ZNF462: variants seen among roughly 807,000 people sequenced by gnomAD.
ZNF462 encodes zinc finger PBX1-interacting protein.
Under a neutral mutation model 201.9 loss-of-function variants are expected in ZNF462, and 10 were observed. The ratio of observed to expected loss-of-function variants is 0.05; its 90% confidence interval spans 0.03 to 0.08. The LOEUF is 0.08. Ranked by LOEUF, ZNF462 falls within the 10% of genes least tolerant of loss-of-function variation. ZNF462 has a pLI of 1.00. For missense variants in ZNF462, 2,523 were observed against 3,168.3 expected (o/e 0.80, Z 4.89); for synonymous variants, 1,227 against 1,193.3 (o/e 1.03, Z -0.58).
intron 11 of ZNF462, among the ~76,000 whole-genome samples, chr9:107,007,504 T>A (rs1490639938): frequency 2.6e-5 from 4 of 152,184 alleles, no homozygotes; most frequent in Non-Finnish European, 5.9e-5. Flanking sequence ...CACGTATTCC[T>A]CTCAGAGGGT....
chr9:106,998,453 C>T (rs1313627818), intron 10 of ZNF462, among the ~76,000 whole-genome samples: 1 of 151,850 alleles, frequency 6.6e-6, no homozygotes, highest in Non-Finnish European at 1.5e-5. Context: ...TAGAATATGC[C>T]AGAAGTATGG....
intron 7 of ZNF462, among the ~76,000 whole-genome samples, chr9:106,947,381 T>C (rs569190039): frequency 2.4e-4 from 37 of 152,328 alleles, no homozygotes; most frequent in African/African-American, 8.4e-4. Flanking sequence ...TGATGCACTG[T>C]GAGTCCTCCA....
At chr9:106,864,088 CTCT>C (rs1827202056) in intron 1 of ZNF462, among the ~76,000 whole-genome samples, 8 of 134,478 alleles carry the variant, frequency 5.9e-5, no homozygotes, top group Admixed American at 1.5e-4. Flanking sequence ...CTCTCTCTCT[CTCT>C]CTCTCTCTCT....
In ZNF462 at chr9:106,925,535, GCCACCGCAGCCACCACCA is replaced by G. The variant is rs753867598; in HGVS notation, c.1626_1643del (p.Gln544_Pro549del). On this transcript the variant is annotated inframe_deletion, in exon 3 of 13. Transcript: ENST00000277225. The surrounding 1 kb of genome is among the most constrained non-coding windows in gnomAD (Gnocchi z 7.9). ...TGTTGGATCCCTTGCAGCAGCAACA[GCCACCGCAGCCACCACCA>G]CCGCCGCCGCCACCACCACCATCAC... 34 of 1,613,070 alleles carry G rather than the reference GCCACCGCAGCCACCACCA, an allele frequency of 2.1e-5. 1 individual carries two copies. In the Admixed American group the frequency reaches 5.3e-4, roughly 25 times the overall value.
At chr9:106,887,471 G>A (rs1828371877) in intron 1 of ZNF462, among the ~76,000 whole-genome samples, 1 of 152,308 alleles carries the variant, frequency 6.6e-6, no homozygotes, top group South Asian at 2.1e-4. Context: ...AGTATTCCAA[G>A]ATACTTCCTG....
Position 106,890,763 on chromosome 9 carries a change from A to G in ZNF462, c.-31+27408A>G, listed in dbSNP as rs530835252. ...GCATCATGCTGTGACATGAAACAAT[A>G]TTGCATCGTAGGGAGTGCATAGTAG... On this transcript the variant is annotated intron_variant, in intron 1 of 12. Transcript: ENST00000277225. The surrounding 1 kb of genome is among the most constrained non-coding windows in gnomAD (Gnocchi z 4.2). Among the ~76,000 whole-genome samples, 19 of 152,256 alleles carry G rather than the reference A, an allele frequency of 1.2e-4. No individual in the cohort carries two copies. The South Asian group carries it at 2.9e-3, about 23-fold the overall frequency.
rs955206080 is a variant in ZNF462 at position 106,938,998 on chromosome 9, C to T, written c.6318C>T (p.His2106=). The T allele has an allele frequency of 1.2e-5, 19 of 1,613,902 alleles. No individual in the cohort carries two copies. The highest frequency in any genetic ancestry group is 5.3e-5 in the African/African-American group (4 of 74,878). Residue 2106 remains histidine, a synonymous_variant, in exon 7 of 13, where the codon CAC becomes CAT. Transcript: ENST00000277225. The surrounding 1 kb of genome is among the most constrained non-coding windows in gnomAD (Gnocchi z 4.4). Reference sequence around the variant, plus strand: ...TGAAGGAACACTCCCTCAAGGTCCACGGAAAAGCCCTGACCCTCCCCAGGC... The same window carrying T: ...TGAAGGAACACTCCCTCAAGGTCCATGGAAAAGCCCTGACCCTCCCCAGGC... ...SQLKEHSLKV[H]GKALTLPRPR... is the part of the protein sequence containing the mutation.
rs796657224 is a variant in ZNF462, at chr9:106,978,189, TCTGGGGTTC to T, written c.6832+3918_6832+3926del. 1.4e-3 allele frequency among the ~76,000 whole-genome samples: 211 copies of T among 151,648 alleles called. 10 individuals are homozygous for T. The highest frequency in any genetic ancestry group is 5.0e-3 in the African/African-American group (206 of 40,938). ...GCAAAGAACCTATGTCCCAATAAAG[TCTGGGGTTC>T]CAGGTAGACTTAAGTTTATGGGGGA... is the stretch of plus-strand genomic sequence containing the variant. On this transcript the variant is annotated intron_variant, in intron 9 of 12. Transcript: ENST00000277225. The surrounding 1 kb of genome is among the most constrained non-coding windows in gnomAD (Gnocchi z 4.1).
At position 106,981,232 on chromosome 9, in the gene ZNF462, C is replaced by T. The variant is rs541731327; in HGVS notation, c.6833-2954C>T. 2.6e-5 allele frequency among the ~76,000 whole-genome samples: 4 copies of T among 152,322 alleles called. No homozygotes were observed. Among genetic ancestry groups the T allele is most frequent in the Non-Finnish European group, 5.9e-5 (4 of 68,032 alleles). On this transcript the variant is annotated intron_variant, in intron 9 of 12. Transcript: ENST00000277225. This position sits in a 1 kb window ranked among gnomAD's most constrained non-coding sequence, Gnocchi z 4.0. ...TTCAGCAGGGATTTGACCCTTTCCT[C>T]AAATGTAGAAGGTGCTTGAAAGACA...
chr9:106,915,804 C>A (rs553664967), intron 1 of ZNF462, among the ~76,000 whole-genome samples: 45 of 152,286 alleles, frequency 3.0e-4, no homozygotes, highest in Admixed American at 5.2e-4. Context: ...AGGACTTTAT[C>A]CTCACAGGGT....
At chr9:106,957,179 T>C (rs754893681) in intron 7 of ZNF462, among the ~76,000 whole-genome samples, 2 of 152,118 alleles carry the variant, frequency 1.3e-5, no homozygotes, top group Non-Finnish European at 2.9e-5. Context: ...ACTTTTTCTT[T>C]CACTTGAACA....
rs1262187992 is a variant in ZNF462, at chr9:106,962,130, G to A, written c.6428-9875G>A. The stretch of plus-strand genomic sequence containing the variant: ...TTTAGAAAAGAAAGGAATCATAGGG[G>A]GAGAAGAAACTGGAAAATGGAATGC... On this transcript the variant is annotated intron_variant, in intron 7 of 12. Coordinates refer to ENST00000277225, the MANE Select transcript of ZNF462 (RefSeq NM_021224.6). This position sits in a 1 kb window ranked among gnomAD's most constrained non-coding sequence, Gnocchi z 4.6. 6.6e-6 allele frequency among the ~76,000 whole-genome samples: 1 copy of A among 151,956 alleles called. No homozygotes were observed. The highest frequency in any genetic ancestry group is 1.5e-5 in the Non-Finnish European group (1 of 67,940).
chr9:106,884,744 G>GT (rs1587997338), intron 1 of ZNF462, among the ~76,000 whole-genome samples: 3 of 152,238 alleles, frequency 2.0e-5, no homozygotes, highest in East Asian at 3.9e-4. Flanking sequence ...TTGTTTGTTT[G>GT]TTTTTTCTAT....
Position 106,936,501 on chromosome 9 carries a change from T to G in ZNF462, c.6235+880T>G, listed in dbSNP as rs6477550. Among the ~76,000 whole-genome samples, 1,280 of 152,292 alleles carry G rather than the reference T, an allele frequency of 8.4e-3. 21 individuals carry two copies. The highest frequency in any genetic ancestry group is 0.028 in the African/African-American group (1,175 of 41,544). ...AGTGTTGGATTTTGTTGAACTGACT[T>G]AATGCAGTAAGATTACCCAGGTCTC... On this transcript the variant is annotated intron_variant, in intron 6 of 12. Coordinates refer to ENST00000277225, the MANE Select transcript of ZNF462 (RefSeq NM_021224.6).
chr9:106,928,009 C>G lies in ZNF462; in HGVS notation c.4097C>G (p.Ala1366Gly), dbSNP rs1830271433. 1 of 1,614,194 alleles carries G rather than the reference C, an allele frequency of 6.2e-7. No homozygotes were observed. The highest frequency in any genetic ancestry group is 8.5e-7 in the Non-Finnish European group (1 of 1,180,032). Residue 1366 changes from alanine to glycine, a missense_variant, in exon 3 of 13, where the codon GCC becomes GGC. Ala to Gly is a moderately conservative substitution (Grantham distance 60, BLOSUM62 0). Transcript: ENST00000277225. This position sits in a 1 kb window ranked among gnomAD's most constrained non-coding sequence, Gnocchi z 9.3. Reference protein sequence around the residue: ...SPPSLTMPAEAKTYRCRDCVF... With the variant: ...SPPSLTMPAEGKTYRCRDCVF... ...CCCTCTCTCACAATGCCAGCCGAAG[C>G]CAAAACCTACAGATGCAGGGACTGT...
At chr9:106,861,705 C>T (rs997100165), upstream of ZNF462, among the ~76,000 whole-genome samples, 3 of 152,174 alleles carry the variant, frequency 2.0e-5, no homozygotes, top group Non-Finnish European at 4.4e-5. Flanking sequence ...CCCCACCGCT[C>T]CCAGTCCAAT....
Position 107,007,479 on chromosome 9 carries a change from C to T in ZNF462, c.7190-2066C>T, listed in dbSNP as rs1016786166. Among the ~76,000 whole-genome samples the T allele has an allele frequency of 7.2e-5, 11 of 152,122 alleles. 1 individual carries two copies. The highest frequency in any genetic ancestry group is 2.4e-4 in the African/African-American group (10 of 41,426). On this transcript the variant is annotated intron_variant, in intron 11 of 12. Coordinates refer to ENST00000277225, the MANE Select transcript of ZNF462 (RefSeq NM_021224.6). ...TTACCACATGGGGGAACAAAAAGCC[C>T]TCAGGGTGGAGAAGCACGTATTCCT... is the stretch of plus-strand genomic sequence containing the variant.
At chr9:106,910,210 T>C (rs1218926555) in intron 1 of ZNF462, among the ~76,000 whole-genome samples, 1 of 152,118 alleles carries the variant, frequency 6.6e-6, no homozygotes, top group Non-Finnish European at 1.5e-5. Flanking sequence ...CTTGTGCTGA[T>C]GTCTTGTCAT....
At chr9:106,896,599 G>C (rs967000889) in intron 1 of ZNF462, among the ~76,000 whole-genome samples, 6 of 152,164 alleles carry the variant, frequency 3.9e-5, no homozygotes, top group African/African-American at 1.4e-4. Flanking sequence ...GTGTTTGGGG[G>C]ATAGAAGGTA....
Sources: allele counts gnomAD v4.1 joint callset (sites outside exome capture counted in the v4.1 genomes callset), GRCh38; gene constraint gnomAD v4.1.1; non-coding constraint Gnocchi (gnomAD v3.1); transcripts MANE v1.5; gene names NCBI Gene and HGNC (gene_info 2026-07-23, HGNC 2026-07-21).